EFTUD2: variants seen among roughly 807,000 people sequenced by gnomAD.
EFTUD2 encodes the protein elongation factor Tu GTP binding domain containing 2, also known as 116 kDa U5 small nuclear ribonucleoprotein component.
EFTUD2 carries 9 observed loss-of-function variants against 114.3 expected under a neutral mutation model. That is an observed-to-expected ratio of 0.08 (90% confidence interval 0.05 to 0.14). The LOEUF (loss-of-function observed/expected upper bound fraction) is 0.14. Ranked by LOEUF, EFTUD2 falls within the 10% of genes least tolerant of loss-of-function variation. The probability of loss-of-function intolerance (pLI) is 1.00; values close to 1 mark genes in which losing one functional copy is unlikely to be tolerated. For missense variants in EFTUD2, 765 were observed against 1,241.2 expected, an observed-to-expected ratio of 0.62 and a Z score of 5.76; for synonymous variants, 449 against 462.3, an observed-to-expected ratio of 0.97 and a Z score of 0.37.
intron 13 of EFTUD2, among the ~76,000 whole-genome samples, chr17:44,867,117 A>G (rs1024582358): frequency 2.0e-5 from 3 of 152,112 alleles, no homozygotes; most frequent in Non-Finnish European, 4.4e-5. Context: ...TAAAAATGCT[A>G]TAATAAACAC....
Position 44,854,526 on chromosome 17 carries a change from GC to G in EFTUD2, c.2259+29del. The G allele has an allele frequency of 6.2e-7, 1 of 1,602,018 alleles. No homozygotes were observed. The highest frequency in any genetic ancestry group is 8.5e-7 in the Non-Finnish European group (1 of 1,173,134). On this transcript the variant is annotated intron_variant, in intron 22 of 27. Coordinates refer to ENST00000426333, the MANE Select transcript of EFTUD2 (RefSeq NM_004247.4). The surrounding 1 kb of genome is among the most constrained non-coding windows in gnomAD (Gnocchi z 4.3). Reference sequence around the variant, plus strand: ...TCTTCCACTCCAGAGGTAAGAGACCGCCACCCAGTTCCCATCAGTTCTGCTG... The same window carrying G: ...TCTTCCACTCCAGAGGTAAGAGACCGCACCCAGTTCCCATCAGTTCTGCTG...
At chr17:44,873,440 C>T (rs1567743348) in intron 10 of EFTUD2, among the ~76,000 whole-genome samples, 2 of 151,996 alleles carry the variant, frequency 1.3e-5, no homozygotes, top group South Asian at 4.2e-4. Context: ...ACTGTAGCCT[C>T]GATCTCTCAA....
At chr17:44,859,344 T>C (rs2050614628) in intron 18 of EFTUD2, 163 bp from the exon 19 acceptor site, 1 of 637,982 alleles carries the variant, frequency 1.6e-6, no homozygotes, top group South Asian at 1.8e-5. Flanking sequence ...AGCATCTGCC[T>C]ATGAGTGGGT....
chr17:44,890,131 T>C (rs114501183), intron 2 of EFTUD2, among the ~76,000 whole-genome samples: 4,218 of 152,112 alleles, frequency 0.028, 205 homozygotes, highest in African/African-American at 0.095. Flanking sequence ...CCTTAGCCTC[T>C]GGGCATGCCA....
intron 9 of EFTUD2, 78 bp downstream of exon 9, chr17:44,879,478 T>G (rs1330407124): frequency 7.0e-7 from 1 of 1,428,426 alleles, no homozygotes; most frequent in Non-Finnish European, 9.9e-7. Flanking sequence ...CCCAGCTCAC[T>G]CAGTGCTCTG....
intron 18 of EFTUD2, chr17:44,859,684 A>T: frequency 6.5e-6 from 4 of 611,156 alleles, no homozygotes; most frequent in Non-Finnish European, 1.1e-5. Context: ...ACCCCCCATC[A>T]CTGCCCCCTC....
chr17:44,878,668 C>G (rs1430887780), intron 9 of EFTUD2, among the ~76,000 whole-genome samples: 1 of 151,588 alleles, frequency 6.6e-6, no homozygotes, highest in Non-Finnish European at 1.5e-5. Context: ...GGAAAATGTA[C>G]ACACCTGTCT....
At chr17:44,868,487 G>A in intron 11 of EFTUD2, 137 bp from the exon 12 acceptor site, 1 of 759,654 alleles carries the variant, frequency 1.3e-6, no homozygotes, top group South Asian at 1.9e-5. Flanking sequence ...CTTCTAACCA[G>A]AGAGGAAAAC....
At chr17:44,896,423 G>A (rs548361077) in intron 1 of EFTUD2, among the ~76,000 whole-genome samples, 13 of 152,120 alleles carry the variant, frequency 8.5e-5, no homozygotes, top group Non-Finnish European at 1.6e-4. Flanking sequence ...CAAGATGGGC[G>A]GATCATGAGG....
intron 1 of EFTUD2, among the ~76,000 whole-genome samples, chr17:44,897,215 C>CAAAAA (rs60766041): frequency 6.0e-5 from 4 of 66,514 alleles, no homozygotes; most frequent in South Asian, 5.8e-4. Flanking sequence ...GACTCCGTCT[C>CAAAAA]AAAAAAAAAA....
intron 16 of EFTUD2, among the ~76,000 whole-genome samples, chr17:44,861,393 C>T (rs1035966274): frequency 3.4e-5 from 5 of 146,124 alleles, no homozygotes; most frequent in African/African-American, 5.1e-5. Flanking sequence ...TGCAGTGAGC[C>T]GCAATCACGC....
intron 9 of EFTUD2, among the ~76,000 whole-genome samples, 161 bp from the exon 10 acceptor site, chr17:44,876,261 T>C (rs904264302): frequency 1.3e-5 from 2 of 152,072 alleles, no homozygotes; most frequent in Non-Finnish European, 1.5e-5. Flanking sequence ...TGCCCGAAGA[T>C]AGACACAGGA....
intron 23 of EFTUD2, 128 bp from the exon 24 acceptor site, chr17:44,853,763 A>C: frequency 1.3e-6 from 2 of 1,505,608 alleles, no homozygotes; most frequent in Non-Finnish European, 1.8e-6. Context: ...CAGAAATCAA[A>C]TGGGAGGTGG....
chr17:44,863,662 T>C lies in EFTUD2; in HGVS notation c.1406A>G (p.Asp469Gly). Residue 469 changes from aspartate (D) to glycine (G), a missense_variant, in exon 15 of 28, where the codon GAC (aspartate) becomes GGC (glycine). This residue lies in a region of EFTUD2 where 59 missense variants were observed against 50.1 expected (regional missense o/e 1.18). Coordinates refer to ENST00000426333, the MANE Select transcript of EFTUD2 (RefSeq NM_004247.4). ...SDLGEAMSDC[D>G]PDGPLMCHTT... The stretch of plus-strand genomic sequence containing the variant: ...GGAGCCACATGCCCTTACATCAGGG[T>C]CACAGTCACTCATAGCCTCGCCGAG... 1 of 1,613,544 alleles carries C rather than the reference T, an allele frequency of 6.2e-7. No individual in the cohort carries two copies. Among genetic ancestry groups the C allele is most frequent in the Non-Finnish European group, 8.5e-7 (1 of 1,179,736 alleles).
rs140319874 is a variant in EFTUD2 at position 44,897,751 on chromosome 17, G to A, written c.-5+1618C>T. 3.3e-3 allele frequency among the ~76,000 whole-genome samples: 507 copies of A among 152,252 alleles called. 3 individuals carry two copies. The highest frequency in any genetic ancestry group is 0.012 in the African/African-American group (486 of 41,558). ...GGCTAATTTTTGTATTTTTAGTAGA[G>A]ACGGGGTTTCAACCATGTTGGCCAG... is the stretch of plus-strand genomic sequence containing the variant. On this transcript the variant is annotated intron_variant, in intron 1 of 27. Coordinates refer to ENST00000426333, the MANE Select transcript of EFTUD2 (RefSeq NM_004247.4).
rs561273946 is a variant in EFTUD2, at chr17:44,854,360, T to G, written c.2260-4A>C. On this transcript the variant is annotated splice_polypyrimidine_tract_variant and splice_region_variant and intron_variant, in intron 22 of 27. Coordinates refer to ENST00000426333, the MANE Select transcript of EFTUD2 (RefSeq NM_004247.4). The surrounding 1 kb of genome is among the most constrained non-coding windows in gnomAD (Gnocchi z 4.3). The stretch of plus-strand genomic sequence containing the variant: ...AACCAAGAAGAGCCTTGTCCACCTA[T>G]AGAGAAACATGAGGCCTCCTTAGCA... 9.9e-6 allele frequency: 16 copies of G among 1,613,078 alleles called. No homozygotes were observed. The highest frequency in any genetic ancestry group is 1.3e-5 in the Non-Finnish European group (15 of 1,179,678).
rs2277615 is a variant in EFTUD2, at chr17:44,857,326, T to C, written c.1963-169A>G. ...CAGCAGGTTAAAAGAGCTGTCCAAA[T>C]CATCACCAAAAAGCCCAAGAAAACT... On this transcript the variant is annotated intron_variant, in intron 19 of 27. Coordinates refer to ENST00000426333, the MANE Select transcript of EFTUD2 (RefSeq NM_004247.4). The C allele has an allele frequency of 0.68, 390,216 of 572,632 alleles. 134,570 individuals are homozygous for C. Among genetic ancestry groups the C allele is most frequent in the African/African-American group, 0.86 (45,881 of 53,366 alleles). 35.5% of individuals were successfully genotyped at this position (572,632 alleles called of 1,614,324 possible).
intron 11 of EFTUD2, among the ~76,000 whole-genome samples, chr17:44,872,229 T>A (rs2145502659): frequency 6.6e-6 from 1 of 152,354 alleles, no homozygotes; most frequent in Middle Eastern, 3.4e-3. Flanking sequence ...TCTTCTCCCA[T>A]GTCCTCCTAT....
intron 10 of EFTUD2, among the ~76,000 whole-genome samples, chr17:44,875,095 G>A (rs2050921602): frequency 2.0e-5 from 3 of 152,172 alleles, no homozygotes; most frequent in South Asian, 4.1e-4. Flanking sequence ...GCTGGGTGCA[G>A]CGGCTCAAAT....
Sources: allele counts gnomAD v4.1 joint callset (sites outside exome capture counted in the v4.1 genomes callset), GRCh38; gene constraint gnomAD v4.1.1; regional missense constraint gnomAD v4.1.1; non-coding constraint Gnocchi (gnomAD v3.1); transcripts MANE v1.5; gene names NCBI Gene and HGNC (gene_info 2026-07-23, HGNC 2026-07-21).